CMSS1: variants seen among roughly 807,000 people sequenced by gnomAD.
CMSS1 encodes the protein protein CMSS1.
CMSS1 carries 33 observed loss-of-function variants against 43.5 expected under a neutral mutation model. The ratio of observed to expected loss-of-function variants is 0.76; its 90% CI spans 0.57 to 1.01. The LOEUF (loss-of-function observed/expected upper bound fraction) is 1.01. Ranked by LOEUF, CMSS1 falls within the 50% of genes least tolerant of loss-of-function variation. The pLI is 0.00. For synonymous variants in CMSS1, 115 were observed against 117.2 expected (o/e 0.98, Z 0.12); for missense variants, 313 against 326.4 (o/e 0.96, Z 0.32).
At chr3:99,876,267 C>T in intron 1 of CMSS1, 1 of 968,132 alleles carries the variant, frequency 1.0e-6, no homozygotes, top group African/African-American at 1.8e-5. Context: ...GGCGGGGGCG[C>T]CGGTGACCGC....
intron 1 of CMSS1, among the ~76,000 whole-genome samples, chr3:99,931,920 G>A (rs893380916): frequency 1.3e-5 from 2 of 152,122 alleles, no homozygotes; most frequent in African/African-American, 2.4e-5. Flanking sequence ...TGGCATATAA[G>A]CAGATTATTA....
chr3:100,121,756 A>G (rs1428965899), intron 1 of CMSS1, among the ~76,000 whole-genome samples: 1 of 152,124 alleles, frequency 6.6e-6, no homozygotes, highest in African/African-American at 2.4e-5. Context: ...CATCTCAAGC[A>G]AATTTATCCT....
intron 1 of CMSS1, among the ~76,000 whole-genome samples, chr3:100,020,319 T>C (rs1192606924): frequency 1.3e-5 from 2 of 152,222 alleles, no homozygotes; most frequent in Non-Finnish European, 2.9e-5. Flanking sequence ...CTTGGTGCCA[T>C]GGTTTCTTAG....
At chr3:99,972,029 A>T (rs1428540879) in intron 1 of CMSS1, among the ~76,000 whole-genome samples, 5 of 152,246 alleles carry the variant, frequency 3.3e-5, no homozygotes, top group African/African-American at 1.2e-4. Context: ...ATGGTTAAGT[A>T]TCTATAATAT....
At position 100,088,629 on chromosome 3, in the gene CMSS1, G is replaced by A. The variant is rs1559753473; in HGVS notation, c.65-58344G>A. ...AGTCTTACAGAGACATCAAGTTCTT[G>A]CACTTTCTCTCCTTCTCTGCAGTTT... On this transcript the variant is annotated intron_variant, in intron 1 of 9. Coordinates refer to ENST00000421999, the MANE Select transcript of CMSS1 (RefSeq NM_032359.4). Among the ~76,000 whole-genome samples the A allele has an allele frequency of 2.0e-5, 3 of 152,162 alleles. No individual in the cohort carries two copies. The East Asian group carries it at 5.8e-4, about 29-fold the overall frequency.
At chr3:99,832,839 C>CA (rs771543470) in intron 1 of CMSS1, among the ~76,000 whole-genome samples, 1,141 of 46,960 alleles carry the variant, frequency 0.024, 27 homozygotes, top group African/African-American at 0.055. Flanking sequence ...GACTCTGTCT[C>CA]AAAAAAAAAA....
chr3:99,984,193 GTGATTGTT>G (rs1482404944), intron 1 of CMSS1, among the ~76,000 whole-genome samples: 1 of 152,090 alleles, frequency 6.6e-6, no homozygotes, highest in Non-Finnish European at 1.5e-5. Context: ...AAATTGGAAT[GTGATTGTT>G]TGAGAGCCAA....
At chr3:99,859,266 T>C (rs1031486911) in intron 1 of CMSS1, among the ~76,000 whole-genome samples, 16 of 152,234 alleles carry the variant, frequency 1.1e-4, no homozygotes, top group African/African-American at 3.6e-4. Flanking sequence ...ACTTGCTATT[T>C]GTCAGTTCTT....
intron 1 of CMSS1, among the ~76,000 whole-genome samples, chr3:100,009,370 T>C (rs1710077672): frequency 6.6e-6 from 1 of 152,178 alleles, no homozygotes; most frequent in Non-Finnish European, 1.5e-5. Flanking sequence ...ATAATAATGA[T>C]AGCATTAAAA....
Position 100,178,516 on chromosome 3 carries a change from C to T in CMSS1, c.*128C>T. On this transcript the variant is annotated 3_prime_UTR_variant, in exon 10 of 10. Coordinates refer to ENST00000421999, the MANE Select transcript of CMSS1 (RefSeq NM_032359.4). Reference sequence around the variant, plus strand: ...ATGTTAATTGTGTCAACAGATGGATCACTGGAATGTGGGGATTCTGAAACA... The same window carrying T: ...ATGTTAATTGTGTCAACAGATGGATTACTGGAATGTGGGGATTCTGAAACA... 1 of 600,716 alleles carries T rather than the reference C, an allele frequency of 1.7e-6. No individual in the cohort carries two copies. The highest frequency in any genetic ancestry group is 3.0e-6 in the Non-Finnish European group (1 of 336,550). The allele number at this position is 600,716 out of a possible 1,614,324, so 37.2% of individuals were successfully genotyped here. A position where few individuals can be genotyped will look rare whatever the true frequency, so the allele number is the denominator to read the frequency against.
chr3:100,146,787 T>G (rs1303978774), intron 1 of CMSS1, among the ~76,000 whole-genome samples, 186 bp from the exon 2 acceptor site: 1 of 152,332 alleles, frequency 6.6e-6, no homozygotes, highest in East Asian at 1.9e-4. Context: ...TTTTTCAGTT[T>G]TATAAATGAG....
intron 1 of CMSS1, among the ~76,000 whole-genome samples, chr3:99,818,561 T>C (rs1942369687): frequency 6.6e-6 from 1 of 152,252 alleles, no homozygotes; most frequent in African/African-American, 2.4e-5. Context: ...AGCATAGTGC[T>C]TGACATATAA....
intron 1 of CMSS1, among the ~76,000 whole-genome samples, chr3:100,029,974 A>T (rs1438721765): frequency 1.3e-5 from 2 of 152,136 alleles, no homozygotes; most frequent in Non-Finnish European, 2.9e-5. Flanking sequence ...AAGAAGAAAA[A>T]CTTCACAGCT....
chr3:100,062,466 C>A (rs2107348441), intron 1 of CMSS1, among the ~76,000 whole-genome samples: 1 of 152,192 alleles, frequency 6.6e-6, no homozygotes, highest in East Asian at 1.9e-4. Flanking sequence ...AACTTCATTA[C>A]TTCTCCATTA....
intron 1 of CMSS1, among the ~76,000 whole-genome samples, chr3:100,134,934 G>T (rs539227257): frequency 6.6e-6 from 1 of 152,300 alleles, no homozygotes; most frequent in South Asian, 2.1e-4. Flanking sequence ...AATCAATATT[G>T]TGTAGGTCTA....
chr3:100,141,560 CA>C, intron 1 of CMSS1: 1 of 456,042 alleles, frequency 2.2e-6, no homozygotes, highest in Non-Finnish European at 4.4e-6. Context: ...AGAGTTTGTG[CA>C]AGCAAATACC....
chr3:99,985,014 G>C (rs554132255), intron 1 of CMSS1, among the ~76,000 whole-genome samples: 2 of 152,118 alleles, frequency 1.3e-5, no homozygotes, highest in Non-Finnish European at 1.5e-5. Context: ...ATACTTAAAG[G>C]GGTTGCCGTG....
intron 1 of CMSS1, among the ~76,000 whole-genome samples, chr3:99,933,453 A>G (rs892281116): frequency 2.6e-5 from 4 of 152,202 alleles, no homozygotes; most frequent in Non-Finnish European, 5.9e-5. Flanking sequence ...CATTGTGTGT[A>G]TATCTATTTA....
At chr3:100,163,757 A>C (rs1488263523) in intron 4 of CMSS1, among the ~76,000 whole-genome samples, 1 of 152,152 alleles carries the variant, frequency 6.6e-6, no homozygotes, top group African/African-American at 2.4e-5. Context: ...TAACTCTTTT[A>C]GGCAGGGATG....
Sources: allele counts gnomAD v4.1 joint callset (sites outside exome capture counted in the v4.1 genomes callset), GRCh38; gene constraint gnomAD v4.1.1; transcripts MANE v1.5; gene names NCBI Gene and HGNC (gene_info 2026-07-23, HGNC 2026-07-21).